Variants in GSE1 observed in about 807,000 individuals in gnomAD.
The protein encoded by GSE1 is genetic suppressor element 1.
A neutral mutation model predicts 112.6 loss-of-function variants in GSE1; 32 were observed. The observed-to-expected ratio is 0.28, with a 90% CI of 0.21 to 0.38. The LOEUF is 0.38. Ranked by LOEUF, GSE1 falls within the 10% of genes least tolerant of loss-of-function variation. The probability of loss-of-function intolerance (pLI) is 1.00; values close to 1 mark genes in which losing one functional copy is unlikely to be tolerated. For missense variants in GSE1, 2,348 were observed against 1,699.2 expected (o/e 1.38, Z -6.71); for synonymous variants, 1,115 against 735.6 (o/e 1.52, Z -8.35).
rs183249075 is a variant in GSE1 at position 85,422,889 on chromosome 16, T to C, written c.2464+65246T>C. ...GGCCTGACGCTCGGGGCTCCAGGGGTGGGGCCGCACCCCGCTTGCTCACCT... is the reference window on the plus strand; with the variant it reads ...GGCCTGACGCTCGGGGCTCCAGGGGCGGGGCCGCACCCCGCTTGCTCACCT... On this transcript the variant is annotated intron_variant, in intron 2 of 2. Transcript: ENST00000637419. Among the ~76,000 whole-genome samples, 453 of 152,188 alleles carry C rather than the reference T, an allele frequency of 3.0e-3. 4 individuals are homozygous for C. The highest frequency in any genetic ancestry group is 0.01 in the African/African-American group (429 of 41,532).
At chr16:85,462,687 G>A (rs1398537171) in intron 2 of GSE1, among the ~76,000 whole-genome samples, 1 of 138,266 alleles carries the variant, frequency 7.2e-6, no homozygotes, top group Non-Finnish European at 1.6e-5. Flanking sequence ...GGAGGGCGGC[G>A]GGGGCGCCGC....
chr16:85,557,391 G>T (rs994690116), intron 1 of GSE1, among the ~76,000 whole-genome samples: 1 of 152,066 alleles, frequency 6.6e-6, no homozygotes, highest in African/African-American at 2.4e-5. Context: ...GGTACCTAAT[G>T]AAGGTGGGGT....
chr16:85,271,815 G>A (rs1908865378), intron 1 of GSE1, among the ~76,000 whole-genome samples: 1 of 152,194 alleles, frequency 6.6e-6, no homozygotes, highest in Non-Finnish European at 1.5e-5. Flanking sequence ...GCTCCAGTCG[G>A]GCTGTGATGG....
At chr16:85,627,284 G>A (rs1300672291) in intron 1 of GSE1, among the ~76,000 whole-genome samples, 5 of 151,530 alleles carry the variant, frequency 3.3e-5, no homozygotes, top group East Asian at 1.9e-4. Flanking sequence ...TTCATTCTCC[G>A]TTTCCTGCCC....
intron 1 of GSE1, chr16:85,595,856 C>T (rs1053526514): frequency 1.5e-5 from 2 of 136,184 alleles, no homozygotes; most frequent in Non-Finnish European, 3.2e-5. Flanking sequence ...ACACATCCAT[C>T]CACCCACCCA....
rs2303201 is a variant in GSE1, at chr16:85,666,124, C to T, written c.2907C>T (p.Ala969=). The T allele has an allele frequency of 2.4e-5, 39 of 1,613,306 alleles. No homozygotes were observed. In the East Asian group the frequency reaches 7.4e-4, roughly 30 times the overall value. The change falls in exon 13 of 16, where the codon GCC becomes GCT. Residue 969 remains alanine, a synonymous_variant. Coordinates refer to ENST00000253458, the MANE Select transcript of GSE1 (RefSeq NM_014615.5). ...CGAGAGTCCAGGAGCTAGCTCCTGC[C>T]AGCGGGGAGAAGGCCAGGCTGAGCG... ...ELSRVQELAP[A]SGEKARLSEA...
intron 1 of GSE1, among the ~76,000 whole-genome samples, chr16:85,560,525 A>G (rs1281207446): frequency 6.6e-6 from 1 of 152,214 alleles, no homozygotes; most frequent in African/African-American, 2.4e-5. Flanking sequence ...TTCACTGGCC[A>G]GGGGGAAATG....
At chr16:85,174,492 T>G (rs1377801873) in intron 1 of GSE1, among the ~76,000 whole-genome samples, 1 of 152,194 alleles carries the variant, frequency 6.6e-6, no homozygotes, top group African/African-American at 2.4e-5. Context: ...GCCGGGAGAA[T>G]GCCGGAAATG....
intron 1 of GSE1, among the ~76,000 whole-genome samples, chr16:85,275,602 C>G (rs575398335): frequency 1.3e-5 from 2 of 152,204 alleles, no homozygotes; most frequent in Non-Finnish European, 1.5e-5. Context: ...CCTCTCTGGG[C>G]CACCCCCAGG....
chr16:85,416,907 G>T (rs541007447), intron 2 of GSE1, among the ~76,000 whole-genome samples: 10 of 152,312 alleles, frequency 6.6e-5, no homozygotes, highest in African/African-American at 2.2e-4. Context: ...CCAGGCCGGG[G>T]TGCAGTGGCA....
chr16:85,558,064 G>T (rs1009114817), intron 1 of GSE1, among the ~76,000 whole-genome samples: 1 of 151,968 alleles, frequency 6.6e-6, no homozygotes, highest in African/African-American at 2.4e-5. Flanking sequence ...AATTAGAACC[G>T]GGAATCCCCA....
intron 1 of GSE1, among the ~76,000 whole-genome samples, chr16:85,329,325 C>T (rs556012370): frequency 3.9e-5 from 6 of 152,294 alleles, no homozygotes; most frequent in African/African-American, 1.4e-4. Context: ...CACCCGTGTG[C>T]TGTGAATACA....
intron 1 of GSE1, among the ~76,000 whole-genome samples, chr16:85,193,800 C>T (rs1343291409): frequency 3.3e-5 from 5 of 152,148 alleles, no homozygotes; most frequent in African/African-American, 9.7e-5. Flanking sequence ...TGTAGATTGA[C>T]CTGCAGTTGT....
chr16:85,672,519 C>G lies in GSE1; in HGVS notation c.3634C>G (p.Leu1212Val). The G allele has an allele frequency of 6.2e-7, 1 of 1,608,870 alleles. No individual in the cohort carries two copies. Among genetic ancestry groups the G allele is most frequent in the South Asian group, 1.1e-5 (1 of 90,794 alleles). Residue 1212 changes from leucine to valine, a missense_variant, in exon 16 of 16, where the codon CTG becomes GTG. By Grantham distance (32) the Leu-to-Val change is conservative. Coordinates refer to ENST00000253458, the MANE Select transcript of GSE1 (RefSeq NM_014615.5). ...LPAMHWPRGYLKGYPR is the reference protein window; with the variant it reads ...LPAMHWPRGYVKGYPR ...TGCAATGCACTGGCCTAGGGGCTACCTGAAGGGATATCCCAGGTGACGGTT... is the reference window on the plus strand; with the variant it reads ...TGCAATGCACTGGCCTAGGGGCTACGTGAAGGGATATCCCAGGTGACGGTT...
At chr16:85,289,000 C>A (rs974779703) in intron 1 of GSE1, among the ~76,000 whole-genome samples, 5 of 152,202 alleles carry the variant, frequency 3.3e-5, no homozygotes, top group African/African-American at 1.2e-4. Flanking sequence ...CTCTCCTGAG[C>A]CTCGGCCACC....
intron 1 of GSE1, among the ~76,000 whole-genome samples, chr16:85,196,344 CA>C (rs2074926781): frequency 6.6e-6 from 1 of 152,256 alleles, no homozygotes; most frequent in Non-Finnish European, 1.5e-5. Context: ...TCACAAGTTT[CA>C]TGGAGAACTT....
chr16:85,397,611 C>T (rs186229389), intron 2 of GSE1, among the ~76,000 whole-genome samples: 25 of 152,308 alleles, frequency 1.6e-4, no homozygotes, highest in Non-Finnish European at 3.1e-4. Flanking sequence ...AGGGAGCCTT[C>T]GGGTTCTGAC....
intron 2 of GSE1, among the ~76,000 whole-genome samples, chr16:85,512,432 G>T (rs192153386): frequency 2.6e-5 from 4 of 152,330 alleles, no homozygotes; most frequent in Admixed American, 2.6e-4. Flanking sequence ...AGGACAGCCT[G>T]TGCTACTCCC....
At chr16:85,231,188 G>T (rs2143837563) in intron 1 of GSE1, among the ~76,000 whole-genome samples, 2 of 150,040 alleles carry the variant, frequency 1.3e-5, no homozygotes, top group South Asian at 4.3e-4. Context: ...ATGGATGGAT[G>T]GACAGATGGA....
Sources: allele counts gnomAD v4.1 joint callset (sites outside exome capture counted in the v4.1 genomes callset), GRCh38; gene constraint gnomAD v4.1.1; transcripts MANE v1.5; gene names NCBI Gene and HGNC (gene_info 2026-07-23, HGNC 2026-07-21).